The following GLI2 variants were observed in gnomAD, a reference collection of about 807,000 sequenced individuals.
The protein encoded by GLI2 is GLI family zinc finger 2.
In GLI2, 22 loss-of-function variants were observed where a neutral mutation model predicts 78.9. The ratio of observed to expected loss-of-function variants is 0.28; its 90% CI spans 0.20 to 0.40. GLI2 has a LOEUF of 0.40. Ranked by LOEUF, GLI2 falls within the 10% of genes least tolerant of loss-of-function variation. The pLI is 1.00. For missense variants in GLI2, 2,097 were observed against 2,213.2 expected (o/e 0.95, Z 1.05); for synonymous variants, 974 against 963.7 (o/e 1.01, Z -0.20).
intron 1 of GLI2, among the ~76,000 whole-genome samples, chr2:120,795,784 T>A (rs1331409260): frequency 6.6e-6 from 1 of 151,998 alleles, no homozygotes; most frequent in Non-Finnish European, 1.5e-5. Flanking sequence ...GTGCGGTGGC[T>A]CACGCCTGTA....
chr2:120,786,445 A>G (rs1404611024), intron 1 of GLI2, among the ~76,000 whole-genome samples: 1 of 143,296 alleles, frequency 7.0e-6, no homozygotes, highest in African/African-American at 2.6e-5. Flanking sequence ...CCCTGACCCC[A>G]AAATACCACC....
rs1002119037 is a variant in GLI2, at chr2:120,828,804, A to G, written c.148+31336A>G. Among the ~76,000 whole-genome samples the G allele has an allele frequency of 5.4e-5, 8 of 148,660 alleles. No individual in the cohort carries two copies. In the East Asian group the frequency reaches 1.2e-3, roughly 22 times the overall value. ...GTCAGACACTATAATTTGCCACGTC[A>G]TTCCATTTCTCTTGTTACTAAAATG... On this transcript the variant is annotated intron_variant, in intron 2 of 13. Transcript: ENST00000361492.
At chr2:120,988,095 G>A (rs1032515555) in intron 13 of GLI2, 113 bp from the exon 14 acceptor site, 6 of 833,386 alleles carry the variant, frequency 7.2e-6, no homozygotes, top group African/African-American at 7.2e-5. Context: ...TCCTGAGTGC[G>A]CTGTGTTGCA....
At chr2:120,945,077 G>A (rs1180505820) in intron 3 of GLI2, among the ~76,000 whole-genome samples, 1 of 152,236 alleles carries the variant, frequency 6.6e-6, no homozygotes, top group East Asian at 1.9e-4. Context: ...GGGAGGGAGG[G>A]AAAGAGGGAA....
intron 1 of GLI2, among the ~76,000 whole-genome samples, chr2:120,755,452 G>C (rs1369247095): frequency 6.6e-6 from 1 of 151,852 alleles, no homozygotes; most frequent in Admixed American, 6.6e-5. Flanking sequence ...AACATGGGTT[G>C]GTGGTTTCCT....
chr2:120,878,054 G>A (rs1343892781), intron 2 of GLI2, among the ~76,000 whole-genome samples: 4 of 152,220 alleles, frequency 2.6e-5, no homozygotes, highest in African/African-American at 9.6e-5. Context: ...AAACTGTTGA[G>A]ATCAATATGG....
chr2:120,887,770 G>A (rs1420281109), intron 2 of GLI2, among the ~76,000 whole-genome samples: 1 of 152,198 alleles, frequency 6.6e-6, no homozygotes, highest in Non-Finnish European at 1.5e-5. Flanking sequence ...TTGGGAAACA[G>A]TGGAGTGACT....
intron 2 of GLI2, among the ~76,000 whole-genome samples, chr2:120,847,616 G>C (rs1379399598): frequency 1.2e-4 from 18 of 151,626 alleles, no homozygotes; most frequent in Non-Finnish European, 2.4e-4. Context: ...TTGGGGGGTT[G>C]GTGAACTTGG....
Position 120,818,391 on chromosome 2 carries a change from T to C in GLI2, c.148+20923T>C, listed in dbSNP as rs545179170. 4.5e-4 allele frequency among the ~76,000 whole-genome samples: 69 copies of C among 152,318 alleles called. 2 individuals are homozygous for C. The South Asian group carries it at 0.014, about 31-fold the overall frequency. Reference sequence around the variant, plus strand: ...ACGTGCCAGTGGCCTGAGACAGAGATAAATGGTGTGCACCGACCCTTTGAA... The same window carrying C: ...ACGTGCCAGTGGCCTGAGACAGAGACAAATGGTGTGCACCGACCCTTTGAA... On this transcript the variant is annotated intron_variant, in intron 2 of 13. Transcript: ENST00000361492.
chr2:120,982,936 T>C (rs1682784211), intron 11 of GLI2, 56 bp downstream of exon 11: 2 of 1,538,446 alleles, frequency 1.3e-6, no homozygotes, highest in African/African-American at 1.4e-5. Context: ...TGACGCCCCA[T>C]GGCTTCCAGG....
chr2:120,736,024 G>C lies in GLI2; in HGVS notation c.-292G>C, dbSNP rs1019257220. Among the ~76,000 whole-genome samples, 2 of 151,850 alleles carry C rather than the reference G, an allele frequency of 1.3e-5. No homozygotes were observed. The highest frequency in any genetic ancestry group is 4.8e-5 in the African/African-American group (2 of 41,386). On this transcript the variant is annotated 5_prime_UTR_variant, in exon 1 of 14. Coordinates refer to ENST00000361492, the MANE Select transcript of GLI2 (RefSeq NM_001374353.1). ...AGGAAGGCCAGGAGCCGCAGGAGGAGCCGGAGGAAAGAGCTTGGGCCGCGC... is the reference window on the plus strand; with the variant it reads ...AGGAAGGCCAGGAGCCGCAGGAGGACCCGGAGGAAAGAGCTTGGGCCGCGC...
chr2:120,861,315 A>G (rs1161908774), intron 2 of GLI2, among the ~76,000 whole-genome samples: 1 of 152,180 alleles, frequency 6.6e-6, no homozygotes, highest in African/African-American at 2.4e-5. Flanking sequence ...TGAATATGAA[A>G]TAGCAGGTGT....
intron 2 of GLI2, among the ~76,000 whole-genome samples, chr2:120,915,222 C>A (rs1239795219): frequency 6.6e-6 from 1 of 152,188 alleles, no homozygotes; most frequent in Non-Finnish European, 1.5e-5. Context: ...CTGGGGTGGG[C>A]AGTGTGCGTG....
At chr2:120,779,807 C>T (rs184410424) in intron 1 of GLI2, among the ~76,000 whole-genome samples, 1 of 152,374 alleles carries the variant, frequency 6.6e-6, no homozygotes, top group African/African-American at 2.4e-5. Context: ...AACCACTCCG[C>T]CATCCTGCCT....
At chr2:120,831,202 G>C (rs973927392) in intron 2 of GLI2, among the ~76,000 whole-genome samples, 1 of 152,104 alleles carries the variant, frequency 6.6e-6, no homozygotes, top group Admixed American at 6.5e-5. Context: ...CAGCTGGGAG[G>C]TTGGCCCTGT....
At chr2:120,976,223 A>G (rs1682453088) in intron 9 of GLI2, among the ~76,000 whole-genome samples, 1 of 152,204 alleles carries the variant, frequency 6.6e-6, no homozygotes, top group Admixed American at 6.5e-5. Context: ...TCTCCGATTC[A>G]TATTCAGAAG....
chr2:120,881,198 AC>A (rs904896708), intron 2 of GLI2, among the ~76,000 whole-genome samples: 2 of 152,048 alleles, frequency 1.3e-5, no homozygotes, highest in African/African-American at 4.8e-5. Flanking sequence ...TCTGAATCCT[AC>A]TCCAAATACC....
At chr2:120,844,124 A>G (rs1181444214) in intron 2 of GLI2, among the ~76,000 whole-genome samples, 1 of 152,156 alleles carries the variant, frequency 6.6e-6, no homozygotes, top group African/African-American at 2.4e-5. Context: ...CATTTTCCCT[A>G]GTTCGAAATT....
intron 2 of GLI2, among the ~76,000 whole-genome samples, chr2:120,811,133 G>A (rs11681811): frequency 0.28 from 43,047 of 152,110 alleles, 6,361 homozygotes; most frequent in East Asian, 0.44. Context: ...GGAGCTGTGC[G>A]TAGAAGGGTG....
Sources: allele counts gnomAD v4.1 joint callset (sites outside exome capture counted in the v4.1 genomes callset), GRCh38; gene constraint gnomAD v4.1.1; transcripts MANE v1.5; gene names NCBI Gene and HGNC (gene_info 2026-07-23, HGNC 2026-07-21).